FILIP1L: variants seen among roughly 807,000 people sequenced by gnomAD.
FILIP1L encodes filamin A-interacting protein 1-like.
Under a neutral mutation model 96.6 loss-of-function variants are expected in FILIP1L, and 55 were observed. The ratio of observed to expected loss-of-function variants is 0.57; its 90% CI spans 0.46 to 0.71. The LOEUF (loss-of-function observed/expected upper bound fraction) is 0.71, where lower values mean the gene tolerates loss of function less well. Among genes scored for constraint, FILIP1L ranks in the 30% least tolerant of loss-of-function variants. FILIP1L has a pLI of 0.00. For synonymous variants in FILIP1L, 467 were observed against 473.9 expected (o/e 0.99, Z 0.19); for missense variants, 1,304 against 1,321.2 (o/e 0.99, Z 0.20).
At position 100,015,425 on chromosome 3, in the gene FILIP1L, A is replaced by G. The variant is rs190897203; in HGVS notation, c.-10-84395T>C. On this transcript the variant is annotated intron_variant, in intron 1 of 5. Coordinates refer to ENST00000477258, the MANE Select transcript of FILIP1L (RefSeq NM_001387850.1). ...TTTTTCTATTTCTGTGAAAAATCTCATTAGAATTTTGATAGGTATTGCATT... is the reference window on the plus strand; with the variant it reads ...TTTTTCTATTTCTGTGAAAAATCTCGTTAGAATTTTGATAGGTATTGCATT... Among the ~76,000 whole-genome samples the G allele has an allele frequency of 1.1e-4, 17 of 152,320 alleles. No homozygotes were observed. In the East Asian group the frequency reaches 3.3e-3, roughly 29 times the overall value.
chr3:99,896,858 A>G (rs1706271778), intron 4 of FILIP1L, among the ~76,000 whole-genome samples: 1 of 152,224 alleles, frequency 6.6e-6, no homozygotes, highest in African/African-American at 2.4e-5. Context: ...CTTTGAAAAA[A>G]TAATTTTCAT....
At chr3:100,063,707 T>A (rs1026004851) in intron 1 of FILIP1L, among the ~76,000 whole-genome samples, 3 of 150,508 alleles carry the variant, frequency 2.0e-5, no homozygotes, top group African/African-American at 7.3e-5. Flanking sequence ...GTGTTGGGTT[T>A]TTTTCTAGTT....
At chr3:99,904,227 G>A (rs906333399) in intron 4 of FILIP1L, among the ~76,000 whole-genome samples, 3 of 152,180 alleles carry the variant, frequency 2.0e-5, no homozygotes, top group African/African-American at 7.2e-5. Context: ...AGGGCCATAG[G>A]CCAGATTGTT....
intron 1 of FILIP1L, among the ~76,000 whole-genome samples, chr3:100,110,925 T>G (rs2066479947): frequency 6.6e-6 from 1 of 152,190 alleles, no homozygotes; most frequent in Non-Finnish European, 1.5e-5. Flanking sequence ...TCCATTTGTA[T>G]TTTGCATGTA....
chr3:99,844,088 G>A (rs1454331642), intron 5 of FILIP1L, among the ~76,000 whole-genome samples: 1 of 149,394 alleles, frequency 6.7e-6, no homozygotes, highest in East Asian at 2.0e-4. Context: ...TTACCCTCAT[G>A]ATTGTGTGGC....
intron 1 of FILIP1L, among the ~76,000 whole-genome samples, chr3:99,949,075 G>A (rs1432902237): frequency 6.6e-6 from 1 of 152,074 alleles, no homozygotes; most frequent in Non-Finnish European, 1.5e-5. Flanking sequence ...ATAAATTTTG[G>A]TGAGTAAATT....
At chr3:99,934,209 A>C (rs1197367616) in intron 1 of FILIP1L, among the ~76,000 whole-genome samples, 1 of 152,192 alleles carries the variant, frequency 6.6e-6, no homozygotes, top group Non-Finnish European at 1.5e-5. Flanking sequence ...CCCAGATTCA[A>C]GATTGAGGAA....
At chr3:99,918,874 A>T (rs1707038047) in intron 4 of FILIP1L, among the ~76,000 whole-genome samples, 1 of 152,220 alleles carries the variant, frequency 6.6e-6, no homozygotes, top group Admixed American at 6.5e-5. Flanking sequence ...ACAAAGGTCA[A>T]ATGGAGATCT....
At chr3:99,968,651 G>A (rs955059809) in intron 1 of FILIP1L, among the ~76,000 whole-genome samples, 3 of 152,068 alleles carry the variant, frequency 2.0e-5, no homozygotes, top group Non-Finnish European at 4.4e-5. Context: ...GAGTAATACA[G>A]ACATTTAAGA....
chr3:100,045,957 G>C (rs1445573028), intron 1 of FILIP1L, among the ~76,000 whole-genome samples: 3 of 152,114 alleles, frequency 2.0e-5, no homozygotes, highest in African/African-American at 7.2e-5. Context: ...GATGAGAGAA[G>C]GGAAGGGGAA....
intron 1 of FILIP1L, among the ~76,000 whole-genome samples, chr3:99,943,529 C>A (rs1455078286): frequency 6.6e-6 from 1 of 152,016 alleles, no homozygotes; most frequent in African/African-American, 2.4e-5. Context: ...TATGGTGAAA[C>A]CCCATCTCTA....
chr3:99,893,973 C>G (rs569448178), intron 4 of FILIP1L, among the ~76,000 whole-genome samples: 62 of 152,148 alleles, frequency 4.1e-4, no homozygotes, highest in Non-Finnish European at 7.9e-4. Context: ...ATTCAGTATT[C>G]ATTTATTAAG....
chr3:100,048,015 TGTGAAA>T (rs1361940932), intron 1 of FILIP1L, among the ~76,000 whole-genome samples: 3 of 152,116 alleles, frequency 2.0e-5, no homozygotes, highest in Non-Finnish European at 4.4e-5. Flanking sequence ...GGCCATAGCT[TGTGAAA>T]GTGAAAGGGT....
At chr3:100,040,128 A>G (rs1308354751) in intron 1 of FILIP1L, 1 of 152,088 alleles carries the variant, frequency 6.6e-6, no homozygotes, top group East Asian at 1.9e-4. Context: ...AGCTGTCTGA[A>G]TATTTTTTTT....
chr3:99,892,467 G>A (rs1706113548), intron 4 of FILIP1L, among the ~76,000 whole-genome samples: 1 of 152,190 alleles, frequency 6.6e-6, no homozygotes, highest in African/African-American at 2.4e-5. Flanking sequence ...AGTGAAATAT[G>A]TCACCACACA....
At chr3:100,078,314 GAGAAAACGTAGAA>G (rs1448044381) in intron 1 of FILIP1L, among the ~76,000 whole-genome samples, 2 of 152,100 alleles carry the variant, frequency 1.3e-5, no homozygotes, top group Non-Finnish European at 2.9e-5. Flanking sequence ...GATAAATCCA[GAGAAAACGTAGAA>G]CTTTGCCTAA....
Position 99,850,282 on chromosome 3 carries a change from A to G in FILIP1L, c.1394T>C (p.Leu465Ser). ...TTCTAGCTCTTTGATCCTTACTTTTAAACTCTCCAGTTCTTGAGACAACTG... is the reference window on the plus strand; with the variant it reads ...TTCTAGCTCTTTGATCCTTACTTTTGAACTCTCCAGTTCTTGAGACAACTG... ...TKQLSQELES[L>S]KVRIKELEAI... The change falls in exon 5 of 6, where the codon TTA becomes TCA. Residue 465 changes from leucine (L) to serine (S), a missense_variant. Physicochemically the swap from Leu to Ser is moderately radical, Grantham distance 145 (BLOSUM62 -2). Transcript: ENST00000477258. 1 of 1,613,850 alleles carries G rather than the reference A, an allele frequency of 6.2e-7. No homozygotes were observed. The highest frequency in any genetic ancestry group is 1.1e-5 in the South Asian group (1 of 91,054).
chr3:100,075,862 C>T (rs1219375008), intron 1 of FILIP1L, among the ~76,000 whole-genome samples: 4 of 152,218 alleles, frequency 2.6e-5, no homozygotes, highest in African/African-American at 9.7e-5. Context: ...TTAAACTCTA[C>T]AAGCTTCTTG....
intron 4 of FILIP1L, among the ~76,000 whole-genome samples, chr3:99,903,154 G>A (rs1319256300): frequency 6.6e-6 from 1 of 152,124 alleles, no homozygotes; most frequent in Non-Finnish European, 1.5e-5. Context: ...TCATAGGGTT[G>A]TTATGAGGAT....
Sources: allele counts gnomAD v4.1 joint callset (sites outside exome capture counted in the v4.1 genomes callset), GRCh38; gene constraint gnomAD v4.1.1; transcripts MANE v1.5; gene names NCBI Gene and HGNC (gene_info 2026-07-23, HGNC 2026-07-21).